Variants in TNIK observed in about 807,000 individuals in gnomAD.
The protein encoded by TNIK is TRAF2 and NCK interacting kinase.
TNIK carries 49 observed loss-of-function variants against 191.3 expected under a neutral mutation model. The ratio of observed to expected loss-of-function variants is 0.26; its 90% CI spans 0.20 to 0.32. The LOEUF (loss-of-function observed/expected upper bound fraction) is 0.32. TNIK is among the 10% of genes least tolerant of loss of function. TNIK has a pLI of 1.00. For missense variants in TNIK, 1,155 were observed against 1,702.3 expected (o/e 0.68, Z 5.66); for synonymous variants, 594 against 600.9 (o/e 0.99, Z 0.17).
At chr3:171,435,771 G>T (rs1491665) in intron 1 of TNIK, among the ~76,000 whole-genome samples, 98,954 of 152,034 alleles carry the variant, frequency 0.65, 33,386 homozygotes, top group African/African-American at 0.78. Context: ...AATTTTTAGG[G>T]TTTTTCATAC....
At chr3:171,064,473 G>A (rs1718171843) in intron 32 of TNIK, among the ~76,000 whole-genome samples, 1 of 152,148 alleles carries the variant, frequency 6.6e-6, no homozygotes, top group South Asian at 2.1e-4. Flanking sequence ...TTAAATTTAA[G>A]ATAAAAACAT....
intron 30 of TNIK, among the ~76,000 whole-genome samples, chr3:171,067,137 G>A (rs982054635): frequency 2.6e-5 from 4 of 152,148 alleles, no homozygotes; most frequent in African/African-American, 9.7e-5. Context: ...TGGGATTTGT[G>A]TATATCTTGC....
At chr3:171,116,621 A>G (rs1726740532) in intron 18 of TNIK, among the ~76,000 whole-genome samples, 1 of 152,250 alleles carries the variant, frequency 6.6e-6, no homozygotes, top group Admixed American at 6.5e-5. Context: ...AGAAGAAATG[A>G]GTCATAAGAA....
intron 11 of TNIK, among the ~76,000 whole-genome samples, chr3:171,158,734 T>C (rs1008534429): frequency 2.6e-5 from 4 of 152,224 alleles, no homozygotes; most frequent in Non-Finnish European, 5.9e-5. Flanking sequence ...ATTTCAGGTA[T>C]TAATAGGCTC....
intron 1 of TNIK, among the ~76,000 whole-genome samples, chr3:171,431,800 T>C (rs540582154): frequency 6.6e-6 from 1 of 152,196 alleles, no homozygotes. Flanking sequence ...AAGATTAACA[T>C]TAGAGTTTGC....
At chr3:171,117,476 T>TA (rs1160939147) in intron 18 of TNIK, among the ~76,000 whole-genome samples, 4 of 49,582 alleles carry the variant, frequency 8.1e-5, no homozygotes, top group African/African-American at 3.7e-4. Flanking sequence ...ACAGAGTTGT[T>TA]ACACTGCTTA....
chr3:171,068,728 A>G, intron 30 of TNIK, 120 bp downstream of exon 30: 1 of 985,392 alleles, frequency 1.0e-6, no homozygotes, highest in Non-Finnish European at 1.4e-6. Context: ...GAAGAACGAA[A>G]GTCCATTTGC....
At position 171,084,335 on chromosome 3, in the gene TNIK, A is replaced by G. The variant is rs761343199; in HGVS notation, c.2999-10T>C. The stretch of plus-strand genomic sequence containing the variant: ...TCGCTAGTAAACAGAGCTTTGAGAA[A>G]AAGAATCAGAGAAGTCAGTGACATC... On this transcript the variant is annotated splice_polypyrimidine_tract_variant and intron_variant, in intron 25 of 32. Transcript: ENST00000436636. 1.9e-6 allele frequency: 3 copies of G among 1,606,844 alleles called. No individual in the cohort carries two copies. Among genetic ancestry groups the G allele is most frequent in the East Asian group, 2.2e-5 (1 of 44,780 alleles).
chr3:171,138,802 G>A (rs190631848), intron 14 of TNIK, among the ~76,000 whole-genome samples: 6 of 152,184 alleles, frequency 3.9e-5, no homozygotes, highest in Middle Eastern at 3.4e-3. Context: ...GCCAAAGATA[G>A]TGCCTAAATC....
chr3:171,229,047 C>A (rs1228514962), intron 2 of TNIK, among the ~76,000 whole-genome samples: 1 of 152,176 alleles, frequency 6.6e-6, no homozygotes, highest in Non-Finnish European at 1.5e-5. Context: ...CTTCTAAGAT[C>A]AGCTGGGTTC....
chr3:171,241,264 A>C (rs1326796285), intron 2 of TNIK, among the ~76,000 whole-genome samples: 1 of 152,146 alleles, frequency 6.6e-6, no homozygotes, highest in Non-Finnish European at 1.5e-5. Context: ...TCCCGACCTC[A>C]GGTGATCCAA....
intron 21 of TNIK, among the ~76,000 whole-genome samples, chr3:171,106,342 A>G (rs1724879832): frequency 6.6e-6 from 1 of 152,212 alleles, no homozygotes; most frequent in African/African-American, 2.4e-5. Flanking sequence ...CAGTGAGGTT[A>G]TGAGACTAGT....
intron 2 of TNIK, among the ~76,000 whole-genome samples, chr3:171,259,909 G>A (rs6783565): frequency 0.23 from 34,827 of 151,938 alleles, 4,264 homozygotes; most frequent in East Asian, 0.32. Context: ...TGGCTGTTGC[G>A]TGCCATATAA....
At chr3:171,149,632 C>T (rs946307551) in intron 12 of TNIK, among the ~76,000 whole-genome samples, 11 of 152,150 alleles carry the variant, frequency 7.2e-5, no homozygotes, top group Admixed American at 3.9e-4. Context: ...GCAGATGACA[C>T]GGCTCCCTGA....
In TNIK at chr3:171,435,950, T is replaced by C. The variant is rs201111030; in HGVS notation, c.57+24057A>G. ...TGAAGTGATATGGCTTGTTCTGGAG[T>C]GGGGGCAGTAGGGCAGGAAAGCATG... On this transcript the variant is annotated intron_variant, in intron 1 of 32. Coordinates refer to ENST00000436636, the MANE Select transcript of TNIK (RefSeq NM_015028.4). Among the ~76,000 whole-genome samples, 56 of 151,994 alleles carry C rather than the reference T, an allele frequency of 3.7e-4. No individual in the cohort carries two copies. The East Asian group carries it at 5.8e-3, about 16-fold the overall frequency.
At chr3:171,454,981 T>C (rs1302437682) in intron 1 of TNIK, among the ~76,000 whole-genome samples, 1 of 152,206 alleles carries the variant, frequency 6.6e-6, no homozygotes, top group East Asian at 1.9e-4. Context: ...AGAAAACTTT[T>C]TTTAAAAAAG....
intron 5 of TNIK, among the ~76,000 whole-genome samples, chr3:171,193,255 C>T (rs538005059): frequency 6.6e-6 from 1 of 152,306 alleles, no homozygotes; most frequent in Admixed American, 6.5e-5. Context: ...AATTCTCCAG[C>T]TTTGCTCTTC....
At chr3:171,420,935 G>A (rs563658875) in intron 1 of TNIK, among the ~76,000 whole-genome samples, 3 of 152,208 alleles carry the variant, frequency 2.0e-5, no homozygotes, top group Admixed American at 6.5e-5. Context: ...TACTCAGAAC[G>A]ATGGACAATT....
At chr3:171,157,843 A>G (rs910370795) in intron 11 of TNIK, among the ~76,000 whole-genome samples, 179 bp from the exon 12 acceptor site, 5 of 152,180 alleles carry the variant, frequency 3.3e-5, no homozygotes, top group Non-Finnish European at 7.3e-5. Context: ...TCAGGATAAG[A>G]GACCTGCCTC....
Sources: gnomAD v4.1 joint callset for allele counts (sites outside exome capture counted in the v4.1 genomes callset) on GRCh38, gnomAD v4.1.1 for gene constraint, MANE v1.5 for transcripts, NCBI Gene and HGNC (gene_info 2026-07-23, HGNC 2026-07-21) for gene names.